The following STAT1 variants were observed in gnomAD, a reference collection of about 807,000 sequenced individuals.
STAT1 encodes signal transducer and activator of transcription 1-alpha/beta.
In STAT1, 24 loss-of-function variants were observed where a neutral mutation model predicts 111.7. That is an observed-to-expected ratio of 0.21 (90% CI 0.16 to 0.30). The LOEUF (loss-of-function observed/expected upper bound fraction) is 0.30. Ranked by LOEUF, STAT1 falls within the 10% of genes least tolerant of loss-of-function variation. STAT1 has a pLI of 1.00. For missense variants in STAT1, 351 were observed against 911.9 expected (o/e 0.38, Z 7.92); for synonymous variants, 332 against 326.5 (o/e 1.02, Z -0.18).
chr2:191,001,569 T>C (rs1012818698), intron 5 of STAT1, among the ~76,000 whole-genome samples: 1 of 152,216 alleles, frequency 6.6e-6, no homozygotes. Context: ...CCTAGGATCT[T>C]GTTGGAAAAT....
chr2:190,975,744 A>G lies in STAT1; in HGVS notation c.2135+68T>C. The G allele has an allele frequency of 6.2e-7, 1 of 1,607,146 alleles. No homozygotes were observed. On this transcript the variant is annotated intron_variant, in intron 23 of 24. Coordinates refer to ENST00000361099, the MANE Select transcript of STAT1 (RefSeq NM_007315.4). The surrounding 1 kb of genome is among the most constrained non-coding windows in gnomAD (Gnocchi z 5.9). ...GAAAAGTAAAATACAAGCATCTTCA[A>G]CAGGCCCCAGCCAGGAGCAAGGCTG...
chr2:190,977,161 T>C lies in STAT1; in HGVS notation c.1874-136A>G. On this transcript the variant is annotated intron_variant, in intron 21 of 24. Coordinates refer to ENST00000361099, the MANE Select transcript of STAT1 (RefSeq NM_007315.4). This position sits in a 1 kb window ranked among gnomAD's most constrained non-coding sequence, Gnocchi z 4.7. Reference sequence around the variant, plus strand: ...ATCACAATCTAAGCATTATAACATATACAGTAGACTGCTTTATTTCTAAAT... The same window carrying C: ...ATCACAATCTAAGCATTATAACATACACAGTAGACTGCTTTATTTCTAAAT... 1 of 772,476 alleles carries C rather than the reference T, an allele frequency of 1.3e-6. No homozygotes were observed. The highest frequency in any genetic ancestry group is 1.5e-5 in the South Asian group (1 of 65,868). 47.9% of individuals were successfully genotyped at this position (772,476 alleles called of 1,614,324 possible). A position where few individuals can be genotyped will look rare whatever the true frequency, so the allele number is the denominator to read the frequency against.
chr2:191,013,397 C>T, intron 2 of STAT1, 128 bp downstream of exon 2: 1 of 372,762 alleles, frequency 2.7e-6, no homozygotes. Flanking sequence ...GGTGGGGGGT[C>T]TGCAAAAACT....
chr2:190,993,481 T>G lies in STAT1; in HGVS notation c.944+1580A>C. Reference sequence around the variant, plus strand: ...CTGTATATGTTATCATCTGCAAACCTAAGAAGGAGGCAAGACTTTCCAACC... The same window carrying G: ...CTGTATATGTTATCATCTGCAAACCGAAGAAGGAGGCAAGACTTTCCAACC... On this transcript the variant is annotated intron_variant, in intron 10 of 24. Coordinates refer to ENST00000361099, the MANE Select transcript of STAT1 (RefSeq NM_007315.4). The surrounding 1 kb of genome is among the most constrained non-coding windows in gnomAD (Gnocchi z 4.1). 2 of 1,118,326 alleles carry G rather than the reference T, an allele frequency of 1.8e-6. No individual in the cohort carries two copies. The highest frequency in any genetic ancestry group is 2.7e-6 in the Non-Finnish European group (2 of 752,704). 69.3% of individuals were successfully genotyped at this position (1,118,326 alleles called of 1,614,324 possible).
At position 190,982,268 on chromosome 2, in the gene STAT1, A is replaced by G. The variant is rs913091424; in HGVS notation, c.1582+115T>C. ...TAATAAACTATAGCTTGAAAAGCTGACAGATTTTAGTACTTTTTTACCTTT... is the reference window on the plus strand; with the variant it reads ...TAATAAACTATAGCTTGAAAAGCTGGCAGATTTTAGTACTTTTTTACCTTT... On this transcript the variant is annotated intron_variant, in intron 18 of 24. Transcript: ENST00000361099. This position sits in a 1 kb window ranked among gnomAD's most constrained non-coding sequence, Gnocchi z 7.3. 4.9e-6 allele frequency: 6 copies of G among 1,234,370 alleles called. No individual in the cohort carries two copies. In the African/African-American group the frequency reaches 6.0e-5, roughly 12 times the overall value. 76.5% of individuals were successfully genotyped at this position (1,234,370 alleles called of 1,614,324 possible).
At chr2:190,972,733 CTTTTT>C (rs576414210) in intron 24 of STAT1, among the ~76,000 whole-genome samples, 2 of 126,396 alleles carry the variant, frequency 1.6e-5, no homozygotes, top group South Asian at 2.5e-4. Context: ...CTTTTCTTTT[CTTTTT>C]TTTTTTTTAT....
At chr2:191,010,250 G>A in intron 2 of STAT1, 2 of 512,316 alleles carry the variant, frequency 3.9e-6, no homozygotes, top group Admixed American at 5.1e-5. Flanking sequence ...AACATATCAG[G>A]GCAGCCTTCT....
rs372446770 is a variant in STAT1 at position 190,977,628 on chromosome 2, G to C, written c.1874-603C>G. ...GATACAGAATCTCCCTTTGGGTGTC[G>C]ACCTTCCAGAGGCCACGGTTCAGGT... On this transcript the variant is annotated intron_variant, in intron 21 of 24. Coordinates refer to ENST00000361099, the MANE Select transcript of STAT1 (RefSeq NM_007315.4). This position sits in a 1 kb window ranked among gnomAD's most constrained non-coding sequence, Gnocchi z 4.7. 4.6e-5 allele frequency among the ~76,000 whole-genome samples: 7 copies of C among 152,044 alleles called. No homozygotes were observed. The highest frequency in any genetic ancestry group is 1.3e-4 in the Admixed American group (2 of 15,274).
chr2:190,984,260 T>C lies in STAT1; in HGVS notation c.1347+50A>G, dbSNP rs1692607102. 3.5e-6 allele frequency: 5 copies of C among 1,410,694 alleles called. No homozygotes were observed. In the East Asian group the frequency reaches 1.1e-4, roughly 32 times the overall value. 87.4% of individuals were successfully genotyped at this position (1,410,694 alleles called of 1,614,324 possible). A position where few individuals can be genotyped will look rare whatever the true frequency, so the allele number is the denominator to read the frequency against. On this transcript the variant is annotated intron_variant, in intron 16 of 24. Transcript: ENST00000361099. The surrounding 1 kb of genome is among the most constrained non-coding windows in gnomAD (Gnocchi z 5.2). ...GAGAAATAAAAATACATGTAACAAT[T>C]AAAAGTAAAAATAATGAAGTTTTCC...
In STAT1 at chr2:190,977,553, T is replaced by C. The variant is rs1308462900; in HGVS notation, c.1874-528A>G. On this transcript the variant is annotated intron_variant, in intron 21 of 24. Transcript: ENST00000361099. This position sits in a 1 kb window ranked among gnomAD's most constrained non-coding sequence, Gnocchi z 4.7. ...CTTAACGTAATAAACCATGGTTTAA[T>C]TTACTCCCGTTCTTATTCCCAGACT... Among the ~76,000 whole-genome samples, 2 of 152,250 alleles carry C rather than the reference T, an allele frequency of 1.3e-5. No individual in the cohort carries two copies. The highest frequency in any genetic ancestry group is 3.8e-4 in the East Asian group (2 of 5,206).
chr2:191,010,691 T>C (rs766964931), intron 2 of STAT1, among the ~76,000 whole-genome samples: 7 of 152,260 alleles, frequency 4.6e-5, no homozygotes, highest in Non-Finnish European at 7.3e-5. Flanking sequence ...ATTTTTCTTA[T>C]ACACATTTAA....
chr2:190,982,826 C>T lies in STAT1; in HGVS notation c.1447-308G>A, dbSNP rs1246371657. On this transcript the variant is annotated intron_variant, in intron 17 of 24. Transcript: ENST00000361099. This position sits in a 1 kb window ranked among gnomAD's most constrained non-coding sequence, Gnocchi z 7.3. ...CAAAGAATTCGAGTCTCTTAACACG[C>T]TTCCAACTGAAGCCAAACAAAATGA... 6.6e-6 allele frequency among the ~76,000 whole-genome samples: 1 copy of T among 152,232 alleles called. No homozygotes were observed. The highest frequency in any genetic ancestry group is 2.4e-5 in the African/African-American group (1 of 41,458).
intron 3 of STAT1, 48 bp from the exon 4 acceptor site, chr2:191,009,155 T>C (rs749675601): frequency 5.6e-6 from 9 of 1,596,324 alleles, no homozygotes; most frequent in Admixed American, 5.1e-5. Context: ...TAAATGTCTA[T>C]GTAAAACAGA....
rs1213584976 is a variant in STAT1 at position 190,977,717 on chromosome 2, G to C, written c.1874-692C>G. ...CCATCCTAACCCTTCCTGGCTGGTA[G>C]TGTCCTGCTTGACCTTTCCTGGTTG... On this transcript the variant is annotated intron_variant, in intron 21 of 24. Coordinates refer to ENST00000361099, the MANE Select transcript of STAT1 (RefSeq NM_007315.4). This position sits in a 1 kb window ranked among gnomAD's most constrained non-coding sequence, Gnocchi z 4.7. 6.6e-6 allele frequency among the ~76,000 whole-genome samples: 1 copy of C among 152,124 alleles called. No individual in the cohort carries two copies. The highest frequency in any genetic ancestry group is 2.4e-5 in the African/African-American group (1 of 41,412).
chr2:190,975,298 C>A lies in STAT1; in HGVS notation c.2136-366G>T. On this transcript the variant is annotated intron_variant, in intron 23 of 24. Coordinates refer to ENST00000361099, the MANE Select transcript of STAT1 (RefSeq NM_007315.4). The surrounding 1 kb of genome is among the most constrained non-coding windows in gnomAD (Gnocchi z 5.9). ...GCACCAGAGAAATGTCTGGGGAGTC[C>A]CTCATCCCTACCTTGAGGTTTGAAT... is the stretch of plus-strand genomic sequence containing the variant. 1 of 477,486 alleles carries A rather than the reference C, an allele frequency of 2.1e-6. No homozygotes were observed. Among genetic ancestry groups the A allele is most frequent in the Non-Finnish European group, 4.3e-6 (1 of 234,490 alleles). The allele number at this position is 477,486 out of a possible 1,614,324, so 29.6% of individuals were successfully genotyped here.
chr2:190,998,192 G>T lies in STAT1; in HGVS notation c.633+25C>A, dbSNP rs1387339579. On this transcript the variant is annotated intron_variant, in intron 8 of 24. Coordinates refer to ENST00000361099, the MANE Select transcript of STAT1 (RefSeq NM_007315.4). This position sits in a 1 kb window ranked among gnomAD's most constrained non-coding sequence, Gnocchi z 4.1. ...TTACAGTGTATAACAAAAGTGGCATGCTATTCTGGAAAGTAAATAACTACC... is the reference window on the plus strand; with the variant it reads ...TTACAGTGTATAACAAAAGTGGCATTCTATTCTGGAAAGTAAATAACTACC... The T allele has an allele frequency of 1.9e-6, 3 of 1,596,354 alleles. No individual in the cohort carries two copies. In the Admixed American group the frequency reaches 5.0e-5, roughly 27 times the overall value.
In STAT1 at chr2:190,993,806, T is replaced by G; in HGVS notation, c.944+1255A>C. ...AGTTTGCATTAAAAAAAAAAAAACTTGCAATATGAACCCTTCTTTTCCACT... is the reference window on the plus strand; with the variant it reads ...AGTTTGCATTAAAAAAAAAAAAACTGGCAATATGAACCCTTCTTTTCCACT... On this transcript the variant is annotated intron_variant, in intron 10 of 24. Coordinates refer to ENST00000361099, the MANE Select transcript of STAT1 (RefSeq NM_007315.4). This position sits in a 1 kb window ranked among gnomAD's most constrained non-coding sequence, Gnocchi z 4.1. Among the ~76,000 whole-genome samples, 1 of 151,128 alleles carries G rather than the reference T, an allele frequency of 6.6e-6. No homozygotes were observed. The highest frequency in any genetic ancestry group is 6.6e-5 in the Admixed American group (1 of 15,156).
At position 190,980,696 on chromosome 2, in the gene STAT1, A is replaced by T; in HGVS notation, c.1583-27T>A. The T allele has an allele frequency of 6.2e-7, 1 of 1,612,816 alleles. No homozygotes were observed. The highest frequency in any genetic ancestry group is 8.5e-7 in the Non-Finnish European group (1 of 1,178,752). ...TAAACAAATAAAAACCAGATTTTTC[A>T]GCAAACAGAAACTGATTCTAAAGCT... On this transcript the variant is annotated intron_variant, in intron 18 of 24. Transcript: ENST00000361099. The surrounding 1 kb of genome is among the most constrained non-coding windows in gnomAD (Gnocchi z 6.1).
rs760444389 is a variant in STAT1, at chr2:190,976,791, C to T, written c.2059+49G>A. On this transcript the variant is annotated intron_variant, in intron 22 of 24. Coordinates refer to ENST00000361099, the MANE Select transcript of STAT1 (RefSeq NM_007315.4). The surrounding 1 kb of genome is among the most constrained non-coding windows in gnomAD (Gnocchi z 6.0). ...TGGAGTTTCAGAATAATCACCCCCT[C>T]ATCAGGAAAGACTGTGCCACGCTGT... 1 of 1,510,816 alleles carries T rather than the reference C, an allele frequency of 6.6e-7. No individual in the cohort carries two copies. Among genetic ancestry groups the T allele is most frequent in the Non-Finnish European group, 9.2e-7 (1 of 1,086,270 alleles). 93.6% of individuals were successfully genotyped at this position (1,510,816 alleles called of 1,614,324 possible).
Sources: gnomAD v4.1 joint callset for allele counts (sites outside exome capture counted in the v4.1 genomes callset) on GRCh38, gnomAD v4.1.1 for gene constraint, Gnocchi (gnomAD v3.1) non-coding constraint, MANE v1.5 for transcripts, NCBI Gene and HGNC (gene_info 2026-07-23, HGNC 2026-07-21) for gene names.